The following GSTO2 variants were observed in gnomAD, a reference collection of about 807,000 sequenced individuals.
The protein encoded by GSTO2 is glutathione S-transferase omega 2.
A neutral mutation model predicts 28.4 loss-of-function variants in GSTO2; 23 were observed. The observed-to-expected ratio is 0.81, with a 90% CI of 0.58 to 1.15. GSTO2 has a LOEUF of 1.15. GSTO2 is among the 50% of genes most tolerant of loss of function. GSTO2 has a pLI of 0.00. For missense variants in GSTO2, 298 were observed against 297.8 expected (o/e 1.00, Z 0.00); for synonymous variants, 109 against 111.0 (o/e 0.98, Z 0.11).
rs1238102622 is a variant in GSTO2, at chr10:104,274,871, G to A, written c.-45G>A. On this transcript the variant is annotated 5_prime_UTR_variant, in exon 2 of 7. Transcript: ENST00000338595. Reference sequence around the variant, plus strand: ...TGCGGCAGCGGTGGCGAGCCACAGGGCGGCGACCGTGAGCTCCGGGAGCTG... The same window carrying A: ...TGCGGCAGCGGTGGCGAGCCACAGGACGGCGACCGTGAGCTCCGGGAGCTG... 1.9e-6 allele frequency: 3 copies of A among 1,593,052 alleles called. No individual in the cohort carries two copies. The highest frequency in any genetic ancestry group is 1.1e-5 in the South Asian group (1 of 87,966).
Position 104,301,820 on chromosome 10 carries a change from C to T in GSTO2, c.*2536C>T, listed in dbSNP as rs1333806128. 1 of 152,092 alleles carries T rather than the reference C, an allele frequency of 6.6e-6. No individual in the cohort carries two copies. The highest frequency in any genetic ancestry group is 2.4e-5 in the African/African-American group (1 of 41,392). 9.4% of individuals were successfully genotyped at this position (152,092 alleles called of 1,614,324 possible). On this transcript the variant is annotated 3_prime_UTR_variant, in exon 7 of 7. Coordinates refer to ENST00000338595, the MANE Select transcript of GSTO2 (RefSeq NM_183239.2). ...TCTTGAACTCCTGGCTTCAAGTGAT[C>T]CTCCCATCTCGGCATCCCAAAGTGC...
Position 104,274,665 on chromosome 10 carries a change from CTTGTT to C in GSTO2, c.-231-12_-231-8del, listed in dbSNP as rs770815922. 1.7e-6 allele frequency: 1 copy of C among 573,212 alleles called. No homozygotes were observed. The highest frequency in any genetic ancestry group is 3.1e-6 in the Non-Finnish European group (1 of 326,606). The allele number at this position is 573,212 out of a possible 1,614,324, so 35.5% of individuals were successfully genotyped here. ...GGGAGCTTTTCTGGTGTTATTTTGT[CTTGTT>C]TTGTTTTTTGCCAGCTCCTACTCTC... On this transcript the variant is annotated splice_polypyrimidine_tract_variant and intron_variant, in intron 1 of 6. Transcript: ENST00000338595.
At position 104,279,562 on chromosome 10, in the gene GSTO2, G is replaced by T. The variant is rs1330589648; in HGVS notation, c.468+91G>T. Reference sequence around the variant, plus strand: ...GTCACTCTAACACCAGCTTTCACAGGCTTATTCTTTCTGCCTTTGATAAGT... The same window carrying T: ...GTCACTCTAACACCAGCTTTCACAGTCTTATTCTTTCTGCCTTTGATAAGT... On this transcript the variant is annotated intron_variant, in intron 5 of 6. Transcript: ENST00000338595. The T allele has an allele frequency of 8.9e-6, 7 of 787,262 alleles. No homozygotes were observed. In the African/African-American group the frequency reaches 1.2e-4, roughly 14 times the overall value. The allele number at this position is 787,262 out of a possible 1,614,324, so 48.8% of individuals were successfully genotyped here.
chr10:104,295,833 C>G (rs1366178112), intron 5 of GSTO2: 1 of 152,308 alleles, frequency 6.6e-6, no homozygotes, highest in Non-Finnish European at 1.5e-5. Context: ...CAGTGCCATC[C>G]CTGCCCCGGG....
At position 104,299,426 on chromosome 10, in the gene GSTO2, G is replaced by T; in HGVS notation, c.*142G>T. ...ATGAAAACAGGAAATGTATTCTTCTGATAATCATTTGTCTGACTCCTCTAG... is the reference window on the plus strand; with the variant it reads ...ATGAAAACAGGAAATGTATTCTTCTTATAATCATTTGTCTGACTCCTCTAG... On this transcript the variant is annotated 3_prime_UTR_variant, in exon 7 of 7. Transcript: ENST00000338595. The T allele has an allele frequency of 1.0e-6, 1 of 973,112 alleles. No individual in the cohort carries two copies. Among genetic ancestry groups the T allele is most frequent in the Non-Finnish European group, 1.5e-6 (1 of 646,328 alleles). The allele number at this position is 973,112 out of a possible 1,614,324, so 60.3% of individuals were successfully genotyped here.
Position 104,301,726 on chromosome 10 carries a change from G to A in GSTO2, c.*2442G>A, listed in dbSNP as rs1051493360. The stretch of plus-strand genomic sequence containing the variant: ...TAGAGATAACCACTTTTAGTAATTG[G>A]TGTCTACCTTTTTTTCCCCTTTTCT... On this transcript the variant is annotated 3_prime_UTR_variant, in exon 7 of 7. Transcript: ENST00000338595. 5 of 152,078 alleles carry A rather than the reference G, an allele frequency of 3.3e-5. No homozygotes were observed. The highest frequency in any genetic ancestry group is 7.4e-5 in the Non-Finnish European group (5 of 68,000). The allele number at this position is 152,078 out of a possible 1,614,324, so 9.4% of individuals were successfully genotyped here.
In GSTO2 at chr10:104,274,785, T is replaced by G; in HGVS notation, c.-131T>G. On this transcript the variant is annotated 5_prime_UTR_variant, in exon 2 of 7. Coordinates refer to ENST00000338595, the MANE Select transcript of GSTO2 (RefSeq NM_183239.2). Reference sequence around the variant, plus strand: ...TTCCCCGTGCCCCGCCAGAGCCCAGTAGTTCAAAAATTAAATTTGGGGCAA... The same window carrying G: ...TTCCCCGTGCCCCGCCAGAGCCCAGGAGTTCAAAAATTAAATTTGGGGCAA... 5 of 1,103,464 alleles carry G rather than the reference T, an allele frequency of 4.5e-6. No individual in the cohort carries two copies. The highest frequency in any genetic ancestry group is 6.7e-6 in the Non-Finnish European group (5 of 746,310). The allele number at this position is 1,103,464 out of a possible 1,614,324, so 68.4% of individuals were successfully genotyped here.
At chr10:104,296,273 T>G (rs1317061964) in intron 5 of GSTO2, 1 of 151,646 alleles carries the variant, frequency 6.6e-6, no homozygotes, top group Non-Finnish European at 1.5e-5. Flanking sequence ...TAGTGTTGAG[T>G]GGCCAACAAA....
intron 5 of GSTO2, chr10:104,291,756 A>G (rs1004610725): frequency 3.9e-5 from 6 of 152,236 alleles, no homozygotes; most frequent in Non-Finnish European, 7.3e-5. Flanking sequence ...CTTCATTTGC[A>G]TCGCGTCCGT....
At chr10:104,283,535 A>T (rs1193448156) in intron 5 of GSTO2, among the ~76,000 whole-genome samples, 3 of 152,098 alleles carry the variant, frequency 2.0e-5, no homozygotes, top group Non-Finnish European at 4.4e-5. Flanking sequence ...CTGAGGCGGG[A>T]GCATCTTTTG....
chr10:104,274,980 G>C (rs780120301), intron 2 of GSTO2, 31 bp downstream of exon 2: 17 of 1,564,118 alleles, frequency 1.1e-5, no homozygotes, highest in Non-Finnish European at 1.5e-5. Flanking sequence ...CCGCGAGCTG[G>C]GGGCGCCGCG....
Position 104,304,267 on chromosome 10 carries a change from T to C in GSTO2, c.*4983T>C, listed in dbSNP as rs1437102571. ...GCTGAACATTTGATCTTTTCAAACATTTTTCTCTCATCTGGCCTGTTAGCG... is the reference window on the plus strand; with the variant it reads ...GCTGAACATTTGATCTTTTCAAACACTTTTCTCTCATCTGGCCTGTTAGCG... On this transcript the variant is annotated 3_prime_UTR_variant, in exon 7 of 7. Coordinates refer to ENST00000338595, the MANE Select transcript of GSTO2 (RefSeq NM_183239.2). The C allele has an allele frequency of 6.6e-6, 1 of 152,244 alleles. No individual in the cohort carries two copies. The highest frequency in any genetic ancestry group is 2.4e-5 in the African/African-American group (1 of 41,454). The allele number at this position is 152,244 out of a possible 1,614,324, so 9.4% of individuals were successfully genotyped here.
chr10:104,295,379 AGGTGTGAAGGTGTAGGCTTTAG>A (rs2012974762), intron 5 of GSTO2: 1 of 152,004 alleles, frequency 6.6e-6, no homozygotes, highest in Non-Finnish European at 1.5e-5. Context: ...CCACACTGGG[AGGTGTGAAGGTGTAGGCTTTAG>A]GGCAACCCCT....
intron 5 of GSTO2, 42 bp from the exon 6 acceptor site, chr10:104,297,536 G>A (rs772890412): frequency 1.0e-5 from 13 of 1,251,452 alleles, no homozygotes; most frequent in Admixed American, 1.7e-5. Context: ...CATGTCAGCA[G>A]ATATATAAAC....
In GSTO2 at chr10:104,299,824, C is replaced by G. The variant is rs187440981; in HGVS notation, c.*540C>G. 1.3e-4 allele frequency: 21 copies of G among 161,382 alleles called. No individual in the cohort carries two copies. Among genetic ancestry groups the G allele is most frequent in the African/African-American group, 5.1e-4 (21 of 41,578 alleles). The allele number at this position is 161,382 out of a possible 1,614,324, so 10.0% of individuals were successfully genotyped here. On this transcript the variant is annotated 3_prime_UTR_variant, in exon 7 of 7. Transcript: ENST00000338595. ...TCTAGAAAGTGCCTGGTGCTAATGTCAGAGCACATTTTGGGAGCCTGTGTG... is the reference window on the plus strand; with the variant it reads ...TCTAGAAAGTGCCTGGTGCTAATGTGAGAGCACATTTTGGGAGCCTGTGTG...
At position 104,277,263 on chromosome 10, in the gene GSTO2, T is replaced by C. The variant is rs550812651; in HGVS notation, c.144-631T>C. On this transcript the variant is annotated intron_variant, in intron 3 of 6. Coordinates refer to ENST00000338595, the MANE Select transcript of GSTO2 (RefSeq NM_183239.2). ...TGGTTAAGTGTGTGAGCTCTGAGTCTGTCTGCCTGGCTGTGATCTTGGCTC... is the reference window on the plus strand; with the variant it reads ...TGGTTAAGTGTGTGAGCTCTGAGTCCGTCTGCCTGGCTGTGATCTTGGCTC... Among the ~76,000 whole-genome samples, 6 of 152,254 alleles carry C rather than the reference T, an allele frequency of 3.9e-5. No homozygotes were observed. In the East Asian group the frequency reaches 9.6e-4, roughly 24 times the overall value.
intron 5 of GSTO2, among the ~76,000 whole-genome samples, chr10:104,293,573 T>C (rs1004153524): frequency 5.7e-5 from 8 of 140,090 alleles, no homozygotes; most frequent in Middle Eastern, 3.5e-3. Context: ...ATTTTTTTTT[T>C]TTTTTTTTTT....
At chr10:104,297,235 C>T (rs1458460161) in intron 5 of GSTO2, 1 of 184,286 alleles carries the variant, frequency 5.4e-6, no homozygotes, top group Non-Finnish European at 1.1e-5. Flanking sequence ...CAGGGCTCAG[C>T]TTATCCTTGG....
intron 5 of GSTO2, among the ~76,000 whole-genome samples, chr10:104,282,499 A>T (rs187053802): frequency 2.6e-5 from 4 of 151,116 alleles, no homozygotes; most frequent in Admixed American, 2.6e-4. Context: ...AGCTGCAGTG[A>T]GCTATAATTG....
Sources: gnomAD v4.1 joint callset for allele counts (sites outside exome capture counted in the v4.1 genomes callset) on GRCh38, gnomAD v4.1.1 for gene constraint, MANE v1.5 for transcripts, NCBI Gene and HGNC (gene_info 2026-07-23, HGNC 2026-07-21) for gene names.